The following PKIB variants were observed in gnomAD, a reference collection of about 807,000 sequenced individuals.
PKIB encodes the protein cAMP-dependent protein kinase inhibitor beta, also known as PKI-beta.
A neutral mutation model predicts 4.5 loss-of-function variants in PKIB; 2 were observed. The ratio of observed to expected loss-of-function variants is 0.44; its 90% CI spans 0.18 to 1.39. PKIB has a LOEUF of 1.39. Among genes scored for constraint, PKIB ranks in the 40% most tolerant of loss-of-function variants. The pLI is 0.27. For synonymous variants in PKIB, 38 were observed against 36.0 expected, an observed-to-expected ratio of 1.06 and a Z score of -0.20; for missense variants, 94 against 92.6, an observed-to-expected ratio of 1.02 and a Z score of -0.06.
chr6:122,593,352 T>G (rs1774073008), intron 3 of PKIB, among the ~76,000 whole-genome samples: 1 of 152,210 alleles, frequency 6.6e-6, no homozygotes, highest in Admixed American at 6.5e-5. Context: ...TATAGACTGT[T>G]TATAGATAAA....
intron 2 of PKIB, among the ~76,000 whole-genome samples, chr6:122,553,865 C>G (rs554474458): frequency 1.3e-5 from 2 of 152,132 alleles, no homozygotes; most frequent in Admixed American, 6.5e-5. Flanking sequence ...ACCACAAATA[C>G]GACTGCACCA....
chr6:122,557,145 G>A (rs561861765), intron 2 of PKIB, among the ~76,000 whole-genome samples: 21 of 152,318 alleles, frequency 1.4e-4, no homozygotes, highest in African/African-American at 4.3e-4. Context: ...GAATCCAGGA[G>A]GCAGAGCTTG....
chr6:122,644,113 T>A (rs1022839999), intron 2 of PKIB: 13 of 150,576 alleles, frequency 8.6e-5, no homozygotes, highest in African/African-American at 3.1e-4. Flanking sequence ...CTTAAAATTA[T>A]TCTATATGTT....
chr6:122,579,471 C>T (rs1221754898), intron 2 of PKIB, among the ~76,000 whole-genome samples: 1 of 152,102 alleles, frequency 6.6e-6, no homozygotes, highest in East Asian at 1.9e-4. Flanking sequence ...CTTTCTGTTA[C>T]AAGAACATAT....
chr6:122,664,391 C>G (rs1777133836), intron 2 of PKIB, among the ~76,000 whole-genome samples: 1 of 152,182 alleles, frequency 6.6e-6, no homozygotes, highest in African/African-American at 2.4e-5. Context: ...AATTTTGACA[C>G]TTAATGTAAA....
intron 3 of PKIB, among the ~76,000 whole-genome samples, chr6:122,700,393 AG>A (rs1338601551): frequency 6.6e-6 from 1 of 151,802 alleles, no homozygotes; most frequent in Non-Finnish European, 1.5e-5. Flanking sequence ...CATCAGGGTT[AG>A]GGGTTTCCCC....
chr6:122,644,080 T>C (rs1239177204), intron 2 of PKIB: 2 of 152,148 alleles, frequency 1.3e-5, no homozygotes, highest in African/African-American at 4.8e-5. Context: ...TTGCAAGGGG[T>C]TAACCCAAAA....
chr6:122,677,447 A>G (rs7769704), intron 3 of PKIB, among the ~76,000 whole-genome samples: 40,905 of 152,096 alleles, frequency 0.27, 6,302 homozygotes, highest in Non-Finnish European at 0.34. Context: ...TGCTTACCAT[A>G]TATGGATGAG....
chr6:122,544,299 TG>T, intron 2 of PKIB, among the ~76,000 whole-genome samples: 1 of 152,110 alleles, frequency 6.6e-6, no homozygotes, highest in African/African-American at 2.4e-5. Context: ...TATATACATT[TG>T]TCTCACTTTC....
At chr6:122,617,287 C>A (rs958717600) in intron 1 of PKIB, among the ~76,000 whole-genome samples, 1 of 152,008 alleles carries the variant, frequency 6.6e-6, no homozygotes, top group Admixed American at 6.6e-5. Context: ...TTGAGGGGAG[C>A]CATTTTTATT....
intron 1 of PKIB, among the ~76,000 whole-genome samples, chr6:122,472,840 A>G (rs917454618): frequency 6.6e-6 from 1 of 152,126 alleles, no homozygotes; most frequent in Admixed American, 6.6e-5. Context: ...GGTTTAAAGA[A>G]TTGTGGAAAT....
intron 2 of PKIB, among the ~76,000 whole-genome samples, chr6:122,645,557 C>A (rs1302817946): frequency 2.0e-5 from 3 of 152,116 alleles, no homozygotes; most frequent in Non-Finnish European, 4.4e-5. Context: ...CAGACAATAT[C>A]CAGGCAGATA....
At chr6:122,691,471 A>G (rs1473415942) in intron 3 of PKIB, among the ~76,000 whole-genome samples, 1 of 152,134 alleles carries the variant, frequency 6.6e-6, no homozygotes, top group Non-Finnish European at 1.5e-5. Context: ...TGCTATTAAG[A>G]GACTCTGATG....
At chr6:122,596,126 A>G (rs865924029) in intron 3 of PKIB, among the ~76,000 whole-genome samples, 3 of 152,232 alleles carry the variant, frequency 2.0e-5, no homozygotes, top group Non-Finnish European at 2.9e-5. Flanking sequence ...TGCAAAGTGC[A>G]CAACCAGGTG....
chr6:122,701,171 CT>C, intron 3 of PKIB: 1 of 340,852 alleles, frequency 2.9e-6, no homozygotes, highest in South Asian at 4.6e-5. Context: ...AGAAAGGTCA[CT>C]ACCTTTGCAT....
At chr6:122,515,340 A>T (rs900308152) in intron 2 of PKIB, among the ~76,000 whole-genome samples, 1 of 152,226 alleles carries the variant, frequency 6.6e-6, no homozygotes, top group South Asian at 2.1e-4. Context: ...ACTTGCAAAG[A>T]ATGAAACATT....
In PKIB at chr6:122,540,555, A is replaced by G. The variant is rs552790204; in HGVS notation, c.-247-45366A>G. On this transcript the variant is annotated intron_variant, in intron 2 of 6. Coordinates refer to the PKIB transcript ENST00000392491. ...ACTGTGGTCTGAGAGACAGTTTGTT[A>G]TAATTTCTGTTCTTTTACATTTGCT... Among the ~76,000 whole-genome samples the G allele has an allele frequency of 2.2e-3, 327 of 152,004 alleles. 4 individuals carry two copies. The highest frequency in any genetic ancestry group is 7.7e-3 in the African/African-American group (317 of 41,360).
chr6:122,644,534 T>G (rs1776238019), intron 2 of PKIB: 2 of 152,210 alleles, frequency 1.3e-5, no homozygotes, highest in African/African-American at 4.8e-5. Flanking sequence ...CATTTGTAAA[T>G]GGTATTAATA....
intron 1 of PKIB, among the ~76,000 whole-genome samples, chr6:122,473,626 G>A (rs368732342): frequency 1.3e-5 from 2 of 152,162 alleles, no homozygotes; most frequent in African/African-American, 4.8e-5. Flanking sequence ...AAGAGTCTTC[G>A]ACACCAGTCT....
Sources: gnomAD v4.1 joint callset for allele counts (sites outside exome capture counted in the v4.1 genomes callset) on GRCh38, gnomAD v4.1.1 for gene constraint, MANE v1.5 for transcripts, NCBI Gene and HGNC (gene_info 2026-07-23, HGNC 2026-07-21) for gene names.